The following LYPD6B variants were observed in gnomAD, a reference collection of about 807,000 sequenced individuals.
LYPD6B encodes the protein ly6/PLAUR domain-containing protein 6B.
Under a neutral mutation model 22.8 loss-of-function variants are expected in LYPD6B, and 17 were observed. That is an observed-to-expected ratio of 0.75 (90% CI 0.51 to 1.12). LYPD6B has a LOEUF of 1.12. Among genes scored for constraint, LYPD6B ranks in the 50% most tolerant of loss-of-function variants. The pLI is 0.00. For synonymous variants in LYPD6B, 106 were observed against 91.6 expected (o/e 1.16, Z -0.90); for missense variants, 221 against 258.3 (o/e 0.86, Z 0.99).
At chr2:149,172,647 T>C (rs1690920999) in intron 3 of LYPD6B, among the ~76,000 whole-genome samples, 1 of 152,148 alleles carries the variant, frequency 6.6e-6, no homozygotes, top group Non-Finnish European at 1.5e-5. Flanking sequence ...AAACATTATT[T>C]CTGGGTGTGT....
intron 3 of LYPD6B, among the ~76,000 whole-genome samples, chr2:149,183,787 G>T (rs1478763663): frequency 6.6e-6 from 1 of 151,872 alleles, no homozygotes; most frequent in East Asian, 1.9e-4. Context: ...AAGTGCTCAA[G>T]AATGTTTATT....
At chr2:149,126,608 C>G (rs1356351760) in intron 1 of LYPD6B, among the ~76,000 whole-genome samples, 1 of 152,104 alleles carries the variant, frequency 6.6e-6, no homozygotes, top group Admixed American at 6.5e-5. Context: ...TCTTGCATCT[C>G]AAGGGTGGGA....
At chr2:149,107,818 G>A (rs1686551458) in intron 1 of LYPD6B, among the ~76,000 whole-genome samples, 1 of 152,152 alleles carries the variant, frequency 6.6e-6, no homozygotes, top group African/African-American at 2.4e-5. Context: ...CCACTTGTGT[G>A]TAAAAATAAT....
chr2:149,112,998 G>A (rs1409303275), intron 1 of LYPD6B, among the ~76,000 whole-genome samples: 1 of 152,128 alleles, frequency 6.6e-6, no homozygotes, highest in African/African-American at 2.4e-5. Context: ...AGGAGAAGAA[G>A]GCAGATAGAA....
chr2:149,065,560 CAG>C (rs1684282979), intron 1 of LYPD6B, among the ~76,000 whole-genome samples: 1 of 152,150 alleles, frequency 6.6e-6, no homozygotes, highest in African/African-American at 2.4e-5. Context: ...AGCTAGACTC[CAG>C]TTACTTCCTG....
chr2:149,155,793 TTGTC>T (rs1014325066), intron 2 of LYPD6B, among the ~76,000 whole-genome samples: 1 of 152,192 alleles, frequency 6.6e-6, no homozygotes, highest in African/African-American at 2.4e-5. Flanking sequence ...AGGTCAAACA[TTGTC>T]TGTGGAGGCT....
chr2:149,042,165 G>T (rs1008987787), intron 1 of LYPD6B, among the ~76,000 whole-genome samples: 3 of 152,230 alleles, frequency 2.0e-5, no homozygotes, highest in African/African-American at 7.2e-5. Flanking sequence ...GTAGATCCTG[G>T]ACTAGTAAAC....
chr2:149,186,765 T>C (rs1355547735), intron 3 of LYPD6B, among the ~76,000 whole-genome samples: 1 of 152,156 alleles, frequency 6.6e-6, no homozygotes, highest in Non-Finnish European at 1.5e-5. Context: ...AGAAACTTAG[T>C]TGGTAAAACA....
intron 3 of LYPD6B, chr2:149,188,633 C>T (rs961586437): frequency 2.5e-6 from 2 of 804,440 alleles, no homozygotes; most frequent in Admixed American, 6.2e-5. Flanking sequence ...TTGTGAAAGT[C>T]AATAATTTTC....
chr2:149,098,643 A>AAAAGAAAG (rs1686029616), intron 1 of LYPD6B, among the ~76,000 whole-genome samples: 2 of 130,960 alleles, frequency 1.5e-5, no homozygotes, highest in African/African-American at 2.9e-5. Context: ...AAAAAAAAAA[A>AAAAGAAAG]AAAAAAGAAA....
At chr2:149,072,925 A>G (rs919744150) in intron 1 of LYPD6B, among the ~76,000 whole-genome samples, 5 of 152,180 alleles carry the variant, frequency 3.3e-5, no homozygotes, top group African/African-American at 9.7e-5. Flanking sequence ...CTTTGAAGGT[A>G]CTTATGGGGA....
intron 2 of LYPD6B, among the ~76,000 whole-genome samples, chr2:149,137,244 A>G: frequency 6.6e-6 from 1 of 152,334 alleles, no homozygotes; most frequent in African/African-American, 2.4e-5. Flanking sequence ...GTTAGTGTAT[A>G]TATCAAAGCC....
rs776596191 is a variant in LYPD6B at position 149,213,115 on chromosome 2, A to G, written c.452A>G (p.Glu151Gly). ...GGTTGCCACCACAGCCGAGATTCTG[A>G]ACATACGGTAAGGATCGTGTGTGTG... Reference protein sequence around the residue: ...FVGCHHSRDSEHTECRSCCEG... With the variant: ...FVGCHHSRDSGHTECRSCCEG... Residue 151 changes from glutamate (E) to glycine (G), a missense_variant, in exon 6 of 7, where the codon GAA becomes GGA. Physicochemically the swap from Glu to Gly is moderately conservative, Grantham distance 98. Transcript: ENST00000409642. 2 of 1,612,626 alleles carry G rather than the reference A, an allele frequency of 1.2e-6. No individual in the cohort carries two copies. Among genetic ancestry groups the G allele is most frequent in the South Asian group, 2.2e-5 (2 of 90,954 alleles).
At chr2:149,137,660 G>T (rs1688450268) in intron 2 of LYPD6B, among the ~76,000 whole-genome samples, 1 of 152,088 alleles carries the variant, frequency 6.6e-6, no homozygotes. Flanking sequence ...CTTTAAATAT[G>T]CCAGGGCTTA....
chr2:149,184,493 T>C (rs992472833), intron 3 of LYPD6B, among the ~76,000 whole-genome samples: 2 of 152,128 alleles, frequency 1.3e-5, no homozygotes, highest in Admixed American at 1.3e-4. Flanking sequence ...GTGTAGAAAG[T>C]TAAGTAGAAG....
chr2:149,109,534 T>G (rs1207184942), intron 1 of LYPD6B, among the ~76,000 whole-genome samples: 1 of 152,096 alleles, frequency 6.6e-6, no homozygotes. Context: ...TCATTTACTG[T>G]CTCAAATCTG....
At chr2:149,061,947 A>T (rs1232912985) in intron 1 of LYPD6B, among the ~76,000 whole-genome samples, 1 of 151,966 alleles carries the variant, frequency 6.6e-6, no homozygotes, top group African/African-American at 2.4e-5. Context: ...TTTTTCAGGG[A>T]TAGGAAGGAG....
At chr2:149,059,719 C>A (rs1683983980) in intron 1 of LYPD6B, among the ~76,000 whole-genome samples, 1 of 152,196 alleles carries the variant, frequency 6.6e-6, no homozygotes, top group African/African-American at 2.4e-5. Flanking sequence ...TTAGGCCATG[C>A]TCTCAAGGGG....
intron 3 of LYPD6B, among the ~76,000 whole-genome samples, chr2:149,196,279 A>G (rs543330074): frequency 2.7e-4 from 41 of 152,358 alleles, no homozygotes; most frequent in African/African-American, 9.6e-4. Flanking sequence ...GTCAGCTTCC[A>G]GAGAGTTCTT....
Sources: gnomAD v4.1 joint callset for allele counts (sites outside exome capture counted in the v4.1 genomes callset) on GRCh38, gnomAD v4.1.1 for gene constraint, MANE v1.5 for transcripts, NCBI Gene and HGNC (gene_info 2026-07-23, HGNC 2026-07-21) for gene names.